ACAT2: variants seen among roughly 807,000 people sequenced by gnomAD.
ACAT2 encodes the protein acetyl-CoA acetyltransferase, cytosolic.
A neutral mutation model predicts 37.1 loss-of-function variants in ACAT2; 26 were observed. The ratio of observed to expected loss-of-function variants is 0.70; its 90% CI spans 0.51 to 0.97. The LOEUF (loss-of-function observed/expected upper bound fraction) is 0.97. Among genes scored for constraint, ACAT2 ranks in the 50% least tolerant of loss-of-function variants. ACAT2 has a pLI of 0.00. For missense variants in ACAT2, 468 were observed against 489.0 expected (o/e 0.96, Z 0.40); for synonymous variants, 156 against 163.6 (o/e 0.95, Z 0.35).
At chr6:159,776,811 C>A (rs1210715580) in intron 6 of ACAT2, among the ~76,000 whole-genome samples, 1 of 152,064 alleles carries the variant, frequency 6.6e-6, no homozygotes, top group East Asian at 1.9e-4. Context: ...CTTTTTGAGA[C>A]GGAGCCTCAC....
intron 2 of ACAT2, among the ~76,000 whole-genome samples, chr6:159,765,071 AGTAT>A (rs1441607322): frequency 6.6e-6 from 1 of 152,224 alleles, no homozygotes; most frequent in African/African-American, 2.4e-5. Context: ...TGAAGCTCGT[AGTAT>A]GCTAAATGCT....
intron 4 of ACAT2, among the ~76,000 whole-genome samples, chr6:159,769,171 G>A (rs1160411801): frequency 6.6e-6 from 1 of 152,190 alleles, no homozygotes; most frequent in Non-Finnish European, 1.5e-5. Flanking sequence ...CTGGTTTTAT[G>A]TAACACATAA....
chr6:159,777,308 A>G lies in ACAT2; in HGVS notation c.764A>G (p.Asn255Ser), dbSNP rs770749362. 2 of 1,611,818 alleles carry G rather than the reference A, an allele frequency of 1.2e-6. No individual in the cohort carries two copies. The highest frequency in any genetic ancestry group is 1.7e-6 in the Non-Finnish European group (2 of 1,179,284). The change falls in exon 7 of 9, where the codon AAT (asparagine) becomes AGT (serine). Residue 255 changes from asparagine (N) to serine (S), a missense_variant. Physicochemically the swap from Asn to Ser is conservative, Grantham distance 46 (BLOSUM62 1). Transcript: ENST00000367048. ...AGTCACTCATATTTTACAGGAATAA[A>G]TGATGGTGCTGCAGCTGTCGTTCTT... ...TVTPANASGI[N>S]DGAAAVVLMK...
chr6:159,773,810 A>G (rs966213749), intron 4 of ACAT2, among the ~76,000 whole-genome samples: 2 of 152,244 alleles, frequency 1.3e-5, no homozygotes, highest in African/African-American at 4.8e-5. Flanking sequence ...TCCTGATATA[A>G]ATAACTGAAT....
chr6:159,768,787 C>A (rs1028399627), intron 4 of ACAT2, among the ~76,000 whole-genome samples, 159 bp downstream of exon 4: 1 of 152,198 alleles, frequency 6.6e-6, no homozygotes, highest in Non-Finnish European at 1.5e-5. Context: ...GTATTCTCTT[C>A]TTTGTGAACT....
intron 2 of ACAT2, 50 bp downstream of exon 2, chr6:159,763,103 TAAAC>T: frequency 6.3e-7 from 1 of 1,575,550 alleles, no homozygotes; most frequent in Non-Finnish European, 8.6e-7. Context: ...AAACAGCCCA[TAAAC>T]ACACACACAC....
rs189295187 is a variant in ACAT2 at position 159,762,416 on chromosome 6, G to A, written c.55+274G>A. 2.3e-4 allele frequency: 315 copies of A among 1,373,188 alleles called. 1 individual carries two copies. Among genetic ancestry groups the A allele is most frequent in the Middle Eastern group, 2.7e-4 (1 of 3,638 alleles). 85.1% of individuals were successfully genotyped at this position (1,373,188 alleles called of 1,614,324 possible). ...CATCGCGTGGCCTGCCTCTCCCATT[G>A]GTTGGCGTAGGGAGGTGTTCTCCTC... is the stretch of plus-strand genomic sequence containing the variant. On this transcript the variant is annotated intron_variant, in intron 1 of 8. Transcript: ENST00000367048.
At chr6:159,762,768 A>G in intron 1 of ACAT2, 151 bp from the exon 2 acceptor site, 1 of 1,587,770 alleles carries the variant, frequency 6.3e-7, no homozygotes, top group Non-Finnish European at 8.5e-7. Flanking sequence ...ACCTTTGCTC[A>G]GACCAGCAGG....
At position 159,767,221 on chromosome 6, in the gene ACAT2, C is replaced by T. The variant is rs376544418; in HGVS notation, c.372+35C>T. 2.8e-5 allele frequency: 45 copies of T among 1,606,740 alleles called. No homozygotes were observed. The South Asian group carries it at 4.4e-4, about 16-fold the overall frequency. ...CTCTGATGAGGTGGCTTTCACTGAC[C>T]TCACACTGAGAAACTCATGTCTATG... is the stretch of plus-strand genomic sequence containing the variant. On this transcript the variant is annotated intron_variant, in intron 3 of 8. Coordinates refer to ENST00000367048, the MANE Select transcript of ACAT2 (RefSeq NM_005891.3).
chr6:159,762,881 G>A, intron 1 of ACAT2, 38 bp from the exon 2 acceptor site: 1 of 1,602,862 alleles, frequency 6.2e-7, no homozygotes, highest in Non-Finnish European at 8.5e-7. Flanking sequence ...ATTACCCGCA[G>A]GCTTGTGATG....
intron 7 of ACAT2, 85 bp downstream of exon 7, chr6:159,777,541 T>TAG: frequency 1.4e-5 from 19 of 1,398,128 alleles, no homozygotes; most frequent in Non-Finnish European, 1.8e-5. Context: ...CTCTAGTCTT[T>TAG]CCCTACCAGA....
Position 159,763,629 on chromosome 6 carries a change from C to CTTTTTTTTTT in ACAT2, c.190+595_190+604dup, listed in dbSNP as rs765044833. On this transcript the variant is annotated intron_variant, in intron 2 of 8. Transcript: ENST00000367048. ...ACCACCTACACTGCCTTTTCTTTTC[C>CTTTTTTTTTT]TTTTTTTTTTTTTTTTTTTTTTTTT... is the stretch of plus-strand genomic sequence containing the variant. 5.8e-4 allele frequency among the ~76,000 whole-genome samples: 44 copies of CTTTTTTTTTT among 76,410 alleles called. 3 individuals carry two copies. Among genetic ancestry groups the CTTTTTTTTTT allele is most frequent in the African/African-American group, 7.8e-4 (14 of 17,888 alleles). The allele number at this position is 76,410 out of a possible 152,430, so 50.1% of individuals were successfully genotyped here.
At position 159,777,472 on chromosome 6, in the gene ACAT2, T is replaced by C; in HGVS notation, c.912+16T>C. 6.2e-7 allele frequency: 1 copy of C among 1,601,928 alleles called. No individual in the cohort carries two copies. The highest frequency in any genetic ancestry group is 8.5e-7 in the Non-Finnish European group (1 of 1,175,510). On this transcript the variant is annotated intron_variant, in intron 7 of 8. Transcript: ENST00000367048. ...AAAGCAAGCTGTGAGTATAACCCTA[T>C]TCCCTTTTATGAAATTTGTCTTCCT...
chr6:159,777,873 C>T (rs552130967), intron 7 of ACAT2, among the ~76,000 whole-genome samples: 20 of 152,268 alleles, frequency 1.3e-4, no homozygotes, highest in African/African-American at 4.6e-4. Flanking sequence ...CACATGCTTT[C>T]TAGGGGAACT....
chr6:159,762,376 C>G, intron 1 of ACAT2: 1 of 1,363,818 alleles, frequency 7.3e-7, no homozygotes. Context: ...CTTGGATTGG[C>G]TCCCGGGGTA....
intron 4 of ACAT2, among the ~76,000 whole-genome samples, chr6:159,772,408 TCAGAAATAGACC>T (rs1169942011): frequency 6.6e-6 from 1 of 152,126 alleles, no homozygotes; most frequent in Non-Finnish European, 1.5e-5. Context: ...AGAACAGAGT[TCAGAAATAGACC>T]CAGACTTATG....
At chr6:159,767,289 C>A in intron 3 of ACAT2, 103 bp downstream of exon 3, 1 of 1,218,616 alleles carries the variant, frequency 8.2e-7, no homozygotes, top group Non-Finnish European at 1.2e-6. Context: ...TGGAACCAAA[C>A]AGTGAACAAA....
At chr6:159,770,602 G>A (rs1780319899) in intron 4 of ACAT2, among the ~76,000 whole-genome samples, 1 of 151,642 alleles carries the variant, frequency 6.6e-6, no homozygotes, top group Admixed American at 6.6e-5. Flanking sequence ...ACTTGAGGCT[G>A]GGGGTTTGAG....
In ACAT2 at chr6:159,778,775, A is replaced by G; in HGVS notation, c.1140A>G (p.Ala380=). ...LERMGRSRGV[A]ALCIGGGMGI... Reference sequence around the variant, plus strand: ...GAATGGGCAGAAGTCGTGGTGTTGCAGCCCTGTGCATTGGGGGTGGGATGG... The same window carrying G: ...GAATGGGCAGAAGTCGTGGTGTTGCGGCCCTGTGCATTGGGGGTGGGATGG... The change falls in exon 9 of 9, where the codon GCA becomes GCG. Residue 380 remains alanine (A), a synonymous_variant. Coordinates refer to ENST00000367048, the MANE Select transcript of ACAT2 (RefSeq NM_005891.3). 3 of 1,614,230 alleles carry G rather than the reference A, an allele frequency of 1.9e-6. No homozygotes were observed. Among genetic ancestry groups the G allele is most frequent in the Non-Finnish European group, 2.5e-6 (3 of 1,180,042 alleles).
Sources: gnomAD v4.1 joint callset for allele counts (sites outside exome capture counted in the v4.1 genomes callset) on GRCh38, gnomAD v4.1.1 for gene constraint, MANE v1.5 for transcripts, NCBI Gene and HGNC (gene_info 2026-07-23, HGNC 2026-07-21) for gene names.